Variants in SNTG2 observed in about 807,000 individuals in gnomAD.
The protein encoded by SNTG2 is syntrophin gamma 2, also known as gamma-2-syntrophin.
A neutral mutation model predicts 70.9 loss-of-function variants in SNTG2; 74 were observed. The observed-to-expected ratio is 1.04, with a 90% confidence interval of 0.86 to 1.27. SNTG2 has a LOEUF of 1.27. Ranked by LOEUF, SNTG2 falls within the 50% of genes most tolerant of loss-of-function variation. SNTG2 has a pLI of 0.00. For missense variants in SNTG2, 717 were observed against 690.7 expected (o/e 1.04, Z -0.43); for synonymous variants, 278 against 273.8 (o/e 1.02, Z -0.15).
intron 1 of SNTG2, among the ~76,000 whole-genome samples, chr2:954,902 T>C (rs1225107984): frequency 6.6e-6 from 1 of 152,264 alleles, no homozygotes; most frequent in African/African-American, 2.4e-5. Flanking sequence ...TAGAATTACA[T>C]GTTAAAATAG....
At chr2:991,879 G>T (rs12471659) in intron 1 of SNTG2, among the ~76,000 whole-genome samples, 9 of 152,266 alleles carry the variant, frequency 5.9e-5, no homozygotes, top group Middle Eastern at 6.8e-3. Flanking sequence ...TTAAATCTGG[G>T]AGAGGAATTA....
chr2:1,251,581 GGCACATACCACACACACCACACTCAT>G (rs1377153423), intron 12 of SNTG2, among the ~76,000 whole-genome samples: 1 of 129,866 alleles, frequency 7.7e-6, no homozygotes, highest in East Asian at 2.4e-4. Flanking sequence ...ACCTCCCACA[GGCACATACCACACACACCACACTCAT>G]GCACACACCA....
At chr2:1,217,871 A>G (rs950927209) in intron 9 of SNTG2, among the ~76,000 whole-genome samples, 1 of 152,134 alleles carries the variant, frequency 6.6e-6, no homozygotes, top group African/African-American at 2.4e-5. Context: ...TTAGCAGGTA[A>G]CACAAGACTG....
At chr2:1,040,749 C>G (rs1455887531) in intron 1 of SNTG2, among the ~76,000 whole-genome samples, 3 of 152,242 alleles carry the variant, frequency 2.0e-5, no homozygotes, top group African/African-American at 7.2e-5. Context: ...AACCTCATTT[C>G]TGAAGAGGCT....
Position 1,148,279 on chromosome 2 carries a change from A to C in SNTG2, c.411+10470A>C, listed in dbSNP as rs530589467. 7.4e-4 allele frequency among the ~76,000 whole-genome samples: 113 copies of C among 152,300 alleles called. 2 individuals carry two copies. In the South Asian group the frequency reaches 0.02, roughly 27 times the overall value. ...GTTGGTCCCACTCCTTATTTCCCAC[A>C]TGGAGAAGAGAGGGCCTGGCCCACT... On this transcript the variant is annotated intron_variant, in intron 6 of 16. Transcript: ENST00000308624.
intron 1 of SNTG2, among the ~76,000 whole-genome samples, chr2:1,063,358 G>A (rs1662946150): frequency 6.6e-6 from 1 of 152,150 alleles, no homozygotes; most frequent in South Asian, 2.1e-4. Flanking sequence ...CAACCAAGGA[G>A]CATTTGCCCA....
chr2:1,083,552 A>G lies in SNTG2; in HGVS notation c.107A>G (p.Glu36Gly). ...KTTIALLYDEESENAYDIRLK... is the reference protein window; with the variant it reads ...KTTIALLYDEGSENAYDIRLK... Reference sequence around the variant, plus strand: ...ACTATTGCTCTGTTGTATGATGAAGAGTCCGAAAATGCCTATGACATCCGG... The same window carrying G: ...ACTATTGCTCTGTTGTATGATGAAGGGTCCGAAAATGCCTATGACATCCGG... The change falls in exon 2 of 17, where the codon GAG becomes GGG. Residue 36 changes from glutamate to glycine, a missense_variant. Glu to Gly is a moderately conservative substitution (Grantham distance 98). Coordinates refer to ENST00000308624, the MANE Select transcript of SNTG2 (RefSeq NM_018968.4). 2 of 1,613,790 alleles carry G rather than the reference A, an allele frequency of 1.2e-6. No homozygotes were observed. Among genetic ancestry groups the G allele is most frequent in the Non-Finnish European group, 1.7e-6 (2 of 1,179,732 alleles).
intron 1 of SNTG2, among the ~76,000 whole-genome samples, chr2:1,007,972 A>G (rs1659621173): frequency 6.6e-6 from 1 of 152,072 alleles, no homozygotes; most frequent in Non-Finnish European, 1.5e-5. Flanking sequence ...CCAGGCTGGT[A>G]TTGAACTCTT....
chr2:1,154,708 G>C (rs142895999), intron 6 of SNTG2, among the ~76,000 whole-genome samples: 1 of 152,268 alleles, frequency 6.6e-6, no homozygotes, highest in Admixed American at 6.5e-5. Flanking sequence ...GTAGCAGTAA[G>C]TGTAAATGAG....
intron 16 of SNTG2, among the ~76,000 whole-genome samples, chr2:1,325,612 A>T (rs542504505): frequency 6.6e-6 from 1 of 152,330 alleles, no homozygotes; most frequent in African/African-American, 2.4e-5. Context: ...ATTTAAGTGT[A>T]CTTGTGATCC....
chr2:1,045,874 G>T (rs1192510933), intron 1 of SNTG2, among the ~76,000 whole-genome samples: 1 of 152,148 alleles, frequency 6.6e-6, no homozygotes, highest in Non-Finnish European at 1.5e-5. Flanking sequence ...TTCTGTAGAT[G>T]TCTATTAGGT....
At chr2:1,057,187 C>G (rs1166128119) in intron 1 of SNTG2, among the ~76,000 whole-genome samples, 1 of 152,128 alleles carries the variant, frequency 6.6e-6, no homozygotes, top group Non-Finnish European at 1.5e-5. Context: ...TAAGGACTAA[C>G]ATGGCACTAT....
At chr2:1,071,256 G>A (rs1663521738) in intron 1 of SNTG2, among the ~76,000 whole-genome samples, 1 of 151,058 alleles carries the variant, frequency 6.6e-6, no homozygotes, top group South Asian at 2.1e-4. Flanking sequence ...CAACCCAAAT[G>A]TCCAACAATG....
intron 1 of SNTG2, among the ~76,000 whole-genome samples, chr2:1,053,787 T>C (rs1195344487): frequency 6.6e-6 from 1 of 152,190 alleles, no homozygotes; most frequent in Admixed American, 6.5e-5. Context: ...TACTTTAACC[T>C]GCATTCACCT....
At chr2:1,037,449 T>G (rs1003855381) in intron 1 of SNTG2, among the ~76,000 whole-genome samples, 24 of 152,146 alleles carry the variant, frequency 1.6e-4, no homozygotes, top group African/African-American at 5.3e-4. Flanking sequence ...TTTGGCACAA[T>G]AGGTTTTAGA....
rs1165824063 is a variant in SNTG2 at position 1,166,068 on chromosome 2, C to T, written c.499+433C>T. 2.0e-5 allele frequency among the ~76,000 whole-genome samples: 3 copies of T among 152,158 alleles called. No homozygotes were observed. The East Asian group carries it at 5.8e-4, about 29-fold the overall frequency. The stretch of plus-strand genomic sequence containing the variant: ...ATATTTTGGCACAAAGCTTGTAATC[C>T]TCTATTATACTTGAATTGTGACCCA... On this transcript the variant is annotated intron_variant, in intron 7 of 16. Transcript: ENST00000308624.
chr2:1,048,997 G>T (rs1032438954), intron 1 of SNTG2, among the ~76,000 whole-genome samples: 1 of 152,056 alleles, frequency 6.6e-6, no homozygotes, highest in African/African-American at 2.4e-5. Context: ...CATTTTAATA[G>T]GCTTTATTTT....
intron 14 of SNTG2, among the ~76,000 whole-genome samples, chr2:1,277,700 G>A (rs539610772): frequency 3.3e-5 from 5 of 152,286 alleles, no homozygotes; most frequent in African/African-American, 9.6e-5. Context: ...CCAAACCATA[G>A]CAGGGAGTCA....
intron 1 of SNTG2, among the ~76,000 whole-genome samples, chr2:1,007,871 C>T (rs1216389735): frequency 6.6e-6 from 1 of 152,198 alleles, no homozygotes; most frequent in Non-Finnish European, 1.5e-5. Flanking sequence ...CCCCCTGCCT[C>T]AGCTTCCTGA....
Sources: gnomAD v4.1 joint callset for allele counts (sites outside exome capture counted in the v4.1 genomes callset) on GRCh38, gnomAD v4.1.1 for gene constraint, MANE v1.5 for transcripts, NCBI Gene and HGNC (gene_info 2026-07-23, HGNC 2026-07-21) for gene names.